The following SCN7A variants were observed in gnomAD, a reference collection of about 807,000 sequenced individuals.
The protein encoded by SCN7A is sodium voltage-gated channel alpha subunit 7.
In SCN7A, 138 loss-of-function variants were observed where a neutral mutation model predicts 155.2. That is an observed-to-expected ratio of 0.89 (90% CI 0.77 to 1.02). The LOEUF is 1.02. Ranked by LOEUF, SCN7A falls within the 50% of genes least tolerant of loss-of-function variation. The pLI, the probability that SCN7A is intolerant of heterozygous loss-of-function variation, is 0.00. For missense variants in SCN7A, 2,058 were observed against 1,986.6 expected, an observed-to-expected ratio of 1.04 and a Z score of -0.68; for synonymous variants, 693 against 649.0, an observed-to-expected ratio of 1.07 and a Z score of -1.03.
intron 1 of SCN7A, among the ~76,000 whole-genome samples, chr2:166,493,538 G>A (rs1683161959): frequency 6.6e-6 from 1 of 152,028 alleles, no homozygotes; most frequent in Non-Finnish European, 1.5e-5. Context: ...TATTCCTTTG[G>A]GAAAATCAAT....
chr2:166,413,165 TA>T, intron 21 of SCN7A, 44 bp from the exon 22 acceptor site: 1 of 1,193,958 alleles, frequency 8.4e-7, no homozygotes. Flanking sequence ...TCCTGGCAAA[TA>T]AAAAGTAAAA....
At chr2:166,440,589 T>G (rs1432042066) in intron 15 of SCN7A, 1 of 152,024 alleles carries the variant, frequency 6.6e-6, no homozygotes, top group African/African-American at 2.4e-5. Flanking sequence ...AAAATTAATT[T>G]TACTAATACA....
At chr2:166,438,261 T>A (rs542019391) in intron 15 of SCN7A, among the ~76,000 whole-genome samples, 1 of 152,318 alleles carries the variant, frequency 6.6e-6, no homozygotes, top group African/African-American at 2.4e-5. Flanking sequence ...TGCTTCACTA[T>A]GCACTTCTCC....
intron 1 of SCN7A, among the ~76,000 whole-genome samples, chr2:166,489,826 C>T (rs1372799397): frequency 1.3e-5 from 2 of 152,166 alleles, no homozygotes; most frequent in Non-Finnish European, 2.9e-5. Flanking sequence ...AACTTTCTCA[C>T]TCTGACAATT....
At position 166,423,271 on chromosome 2, in the gene SCN7A, G is replaced by T. The variant is rs763831921; in HGVS notation, c.3015C>A (p.Phe1005Leu). The T allele has an allele frequency of 6.2e-7, 1 of 1,600,858 alleles. No individual in the cohort carries two copies. Among genetic ancestry groups the T allele is most frequent in the East Asian group, 2.2e-5 (1 of 44,704 alleles). ...YFSNGWYRLD[F>L]VVVIVFCLSL... ...TTAAAATACGTACAATAACAACCAC[G>T]AAGTCCAGCCTGTACCAGCCATTAG... Residue 1005 changes from phenylalanine (F) to leucine (L), a missense_variant, in exon 19 of 26, where the codon TTC becomes TTA. Physicochemically the swap from Phe to Leu is conservative, Grantham distance 22. Coordinates refer to ENST00000643258, the MANE Select transcript of SCN7A (RefSeq NM_002976.4).
In SCN7A at chr2:166,438,616, C is replaced by T. The variant is rs116256814; in HGVS notation, c.2157+2780G>A. On this transcript the variant is annotated intron_variant, in intron 15 of 25. Transcript: ENST00000643258. ...GCTGAGTTTTCTTAGAAGAGTAAGA[C>T]AAAATTAATTTTTTAAAATGTGAAA... Among the ~76,000 whole-genome samples the T allele has an allele frequency of 1.5e-3, 225 of 152,182 alleles. 2 individuals are homozygous for T. The highest frequency in any genetic ancestry group is 5.1e-3 in the African/African-American group (213 of 41,544).
chr2:166,418,223 C>T (rs372651197), intron 20 of SCN7A, among the ~76,000 whole-genome samples: 5 of 148,316 alleles, frequency 3.4e-5, no homozygotes, highest in East Asian at 2.0e-4. Context: ...GGGGTTCAAG[C>T]GATTCTCCTG....
chr2:166,413,981 G>GTGTATATATATA lies in SCN7A; in HGVS notation c.3415-861_3415-860insTATATATATACA, dbSNP rs1553513525. Reference sequence around the variant, plus strand: ...CCCCTTTATATATATATGTGTATGTGTATATATATATATATATATATAAAT... The same window carrying GTGTATATATATA: ...CCCCTTTATATATATATGTGTATGTGTGTATATATATATATATATATATATATATATATAAAT... On this transcript the variant is annotated intron_variant, in intron 21 of 25. Transcript: ENST00000643258. 2.3e-3 allele frequency among the ~76,000 whole-genome samples: 123 copies of GTGTATATATATA among 53,498 alleles called. 3 individuals carry two copies. The highest frequency in any genetic ancestry group is 3.4e-3 in the Non-Finnish European group (95 of 28,330). 35.1% of individuals were successfully genotyped at this position (53,498 alleles called of 152,430 possible). A position where few individuals can be genotyped will look rare whatever the true frequency, so the allele number is the denominator to read the frequency against.
Position 166,457,055 on chromosome 2 carries a change from C to G in SCN7A, c.1105G>C (p.Val369Leu). Residue 369 changes from valine (V) to leucine (L), a missense_variant, in exon 11 of 26, where the codon GTC becomes CTC. Physicochemically the swap from Val to Leu is conservative, Grantham distance 32. Transcript: ENST00000643258. The part of the protein sequence containing the change: ...YHQILYASGK[V>L]YMIFFVVVSF... ...ACCACCACAAAAAATATCATGTAGA[C>G]CTTCCCAGAAGCATAAAGTATCTAA... 1 of 1,607,880 alleles carries G rather than the reference C, an allele frequency of 6.2e-7. No individual in the cohort carries two copies. Among genetic ancestry groups the G allele is most frequent in the South Asian group, 1.1e-5 (1 of 90,228 alleles).
intron 1 of SCN7A, among the ~76,000 whole-genome samples, chr2:166,487,580 C>A (rs1703080667): frequency 6.6e-6 from 1 of 152,140 alleles, no homozygotes; most frequent in African/African-American, 2.4e-5. Context: ...ATTGAAAATA[C>A]AGCACCTAAA....
intron 13 of SCN7A, 59 bp downstream of exon 13, chr2:166,444,703 A>G: frequency 1.0e-6 from 1 of 957,134 alleles, no homozygotes; most frequent in Non-Finnish European, 1.6e-6. Flanking sequence ...ATGAACAAAG[A>G]AAAGTTCAAT....
Position 166,444,936 on chromosome 2 carries a change from G to A in SCN7A, c.1452C>T (p.Ile484=), listed in dbSNP as rs753489931. The A allele has an allele frequency of 3.1e-6, 5 of 1,613,450 alleles. No homozygotes were observed. In the East Asian group the frequency reaches 6.7e-5, roughly 22 times the overall value. The change falls in exon 13 of 26, where the codon ATC becomes ATT. Residue 484 remains isoleucine (I), a synonymous_variant. Transcript: ENST00000643258. The part of the protein sequence containing the change: ...YWYKFAKTFL[I]WNCSPCWLKL... Reference sequence around the variant, plus strand: ...TTAACCAACAGGGAGAACAATTCCAGATCAAGAAAGTTTTAGCAAACTTAT... The same window carrying A: ...TTAACCAACAGGGAGAACAATTCCAAATCAAGAAAGTTTTAGCAAACTTAT...
At chr2:166,426,952 T>G (rs972024433) in intron 18 of SCN7A, among the ~76,000 whole-genome samples, 1 of 152,094 alleles carries the variant, frequency 6.6e-6, no homozygotes, top group Admixed American at 6.6e-5. Flanking sequence ...GTTAACTAGA[T>G]CTTGTATGTA....
In SCN7A at chr2:166,410,337, A is replaced by G; in HGVS notation, c.3607-13T>C. The G allele has an allele frequency of 6.6e-7, 1 of 1,507,812 alleles. No homozygotes were observed. Among genetic ancestry groups the G allele is most frequent in the Non-Finnish European group, 8.9e-7 (1 of 1,120,188 alleles). The allele number at this position is 1,507,812 out of a possible 1,614,324, so 93.4% of individuals were successfully genotyped here. A position where few individuals can be genotyped will look rare whatever the true frequency, so the allele number is the denominator to read the frequency against. ...TTGAGCCTCCCAGGTAAAGAAAGGA[A>G]AGAAAAATATATTAAAATCACACTT... is the stretch of plus-strand genomic sequence containing the variant. On this transcript the variant is annotated splice_polypyrimidine_tract_variant and intron_variant, in intron 23 of 25. Coordinates refer to ENST00000643258, the MANE Select transcript of SCN7A (RefSeq NM_002976.4).
rs1701389800 is a variant in SCN7A at position 166,416,886 on chromosome 2, A to G, written c.3235T>C (p.Leu1079=). Residue 1079 remains leucine, a synonymous_variant, in exon 21 of 26, where the codon TTA becomes CTA. Coordinates refer to ENST00000643258, the MANE Select transcript of SCN7A (RefSeq NM_002976.4). Reference sequence around the variant, plus strand: ...CATTCATAGAATCTGCCAGCAAATAAGTCTACTCCCATGATACTAAAAATC... The same window carrying G: ...CATTCATAGAATCTGCCAGCAAATAGGTCTACTCCCATGATACTAAAAATC... ...WLIFSIMGVD[L]FAGRFYECID... is the part of the protein sequence containing the mutation. The G allele has an allele frequency of 1.2e-6, 2 of 1,613,494 alleles. No individual in the cohort carries two copies. The highest frequency in any genetic ancestry group is 2.2e-5 in the South Asian group (2 of 90,996).
Position 166,456,957 on chromosome 2 carries a change from C to T in SCN7A, c.1203G>A (p.Lys401=). ...GILAMAYEEE[K]QRVGEISKKI... is the part of the protein sequence containing the mutation. ...TCTTAGATATTTCACCAACTCTCTG[C>T]TTTTCTTCTTCATAGGCCATGGCAA... Residue 401 remains lysine, a synonymous_variant, in exon 11 of 26, where the codon AAG becomes AAA. Transcript: ENST00000643258. 1 of 1,596,262 alleles carries T rather than the reference C, an allele frequency of 6.3e-7. No homozygotes were observed. The highest frequency in any genetic ancestry group is 8.5e-7 in the Non-Finnish European group (1 of 1,170,898).
In SCN7A at chr2:166,465,868, T is replaced by C; in HGVS notation, c.784A>G (p.Asn262Asp). 1 of 1,613,920 alleles carries C rather than the reference T, an allele frequency of 6.2e-7. No individual in the cohort carries two copies. The highest frequency in any genetic ancestry group is 1.3e-5 in the African/African-American group (1 of 75,042). The change falls in exon 8 of 26, where the codon AAC (asparagine) becomes GAC (aspartate). Residue 262 changes from asparagine to aspartate, a missense_variant. Physicochemically the swap from Asn to Asp is conservative, Grantham distance 23 (BLOSUM62 1). Coordinates refer to ENST00000643258, the MANE Select transcript of SCN7A (RefSeq NM_002976.4). ...SLIGMGLFMG[N>D]LKHKCFRWPQ... is the part of the protein sequence containing the mutation. ...CATCGAAAACATTTATGTTTCAAGT[T>C]GCCCATGAAGAGCCCCATCCCAATT...
chr2:166,427,794 G>T lies in SCN7A; in HGVS notation c.2847C>A (p.Gly949=). The change falls in exon 18 of 26, where the codon GGC becomes GGA. Residue 949 remains glycine, a synonymous_variant. Transcript: ENST00000643258. Reference sequence around the variant, plus strand: ...ACCCTGGCTGCCCACTTACCAGAGTGCCAGTGCTGAGCAGAGTAACAAGCC... The same window carrying T: ...ACCCTGGCTGCCCACTTACCAGAGTTCCAGTGCTGAGCAGAGTAACAAGCC... ...FIGLVTLLST[G]TLAFEDIYMD... 1 of 1,608,522 alleles carries T rather than the reference G, an allele frequency of 6.2e-7. No homozygotes were observed. The highest frequency in any genetic ancestry group is 8.5e-7 in the Non-Finnish European group (1 of 1,176,918).
At chr2:166,480,064 C>T (rs377282839) in intron 2 of SCN7A, among the ~76,000 whole-genome samples, 3 of 152,150 alleles carry the variant, frequency 2.0e-5, no homozygotes, top group African/African-American at 7.2e-5. Flanking sequence ...ACATGTTAAA[C>T]TTTATTAAGG....
Sources: allele counts gnomAD v4.1 joint callset (sites outside exome capture counted in the v4.1 genomes callset), GRCh38; gene constraint gnomAD v4.1.1; transcripts MANE v1.5; gene names NCBI Gene and HGNC (gene_info 2026-07-23, HGNC 2026-07-21).